FAM149A: variants seen among roughly 807,000 people sequenced by gnomAD.
FAM149A encodes family with sequence similarity 149 member A.
Under a neutral mutation model 78.2 loss-of-function variants are expected in FAM149A, and 71 were observed. The ratio of observed to expected loss-of-function variants is 0.91; its 90% confidence interval spans 0.75 to 1.11. The LOEUF (loss-of-function observed/expected upper bound fraction) is 1.11, where lower values mean the gene tolerates loss of function less well. FAM149A is among the 50% of genes least tolerant of loss of function. The pLI is 0.00. For missense variants in FAM149A, 1,036 were observed against 971.0 expected, an observed-to-expected ratio of 1.07 and a Z score of -0.89; for synonymous variants, 446 against 410.5, an observed-to-expected ratio of 1.09 and a Z score of -1.04.
rs1439015822 is a variant in FAM149A, at chr4:186,130,313, AT to A, written c.567-18859del. On this transcript the variant is annotated intron_variant, in intron 1 of 13. Coordinates refer to ENST00000389354, the MANE Select transcript of FAM149A (RefSeq NM_001367768.3). Reference sequence around the variant, plus strand: ...TCTCTCTATATATATATATATATATATAATCTATATCGACAGAACTAAAAGG... The same window carrying A: ...TCTCTCTATATATATATATATATATAAATCTATATCGACAGAACTAAAAGG... Among the ~76,000 whole-genome samples, 32 of 120,058 alleles carry A rather than the reference AT, an allele frequency of 2.7e-4. 1 individual carries two copies. The highest frequency in any genetic ancestry group is 8.8e-4 in the African/African-American group (28 of 31,732). 78.8% of individuals were successfully genotyped at this position (120,058 alleles called of 152,430 possible).
intron 8 of FAM149A, 134 bp downstream of exon 8, chr4:186,157,853 G>A: frequency 6.5e-7 from 1 of 1,547,294 alleles, no homozygotes; most frequent in South Asian, 1.2e-5. Flanking sequence ...GGTCCATGCA[G>A]GCTTTCCATG....
intron 1 of FAM149A, among the ~76,000 whole-genome samples, chr4:186,139,805 A>G (rs908092433): frequency 6.6e-6 from 1 of 152,164 alleles, no homozygotes; most frequent in Non-Finnish European, 1.5e-5. Context: ...AGTTGTATGT[A>G]TATGTTTGTA....
rs184255048 is a variant in FAM149A at position 186,156,726 on chromosome 4, A to G, written c.1420+536A>G. ...AGGCATGGTGACTCAGAACTTTGGG[A>G]GACCAAGGCAGGAGAATTACTTGAA... On this transcript the variant is annotated intron_variant, in intron 7 of 13. Transcript: ENST00000389354. Among the ~76,000 whole-genome samples the G allele has an allele frequency of 7.9e-5, 12 of 152,216 alleles. No individual in the cohort carries two copies. In the East Asian group the frequency reaches 1.9e-3, roughly 25 times the overall value.
Position 186,165,464 on chromosome 4 carries a change from T to A in FAM149A, c.2010T>A (p.Ser670=). 6.2e-7 allele frequency: 1 copy of A among 1,614,090 alleles called. No homozygotes were observed. Among genetic ancestry groups the A allele is most frequent in the Non-Finnish European group, 8.5e-7 (1 of 1,179,960 alleles). ...CAGTTCCTGGATGCCGCCTTGTTTC[T>A]GTAAGACAGATTTCATTCTATTTCA... Residue 670 remains serine, a splice_region_variant and synonymous_variant, in exon 11 of 14, where the codon TCT becomes TCA. Transcript: ENST00000389354.
At chr4:186,158,050 C>A in intron 8 of FAM149A, 1 of 1,383,652 alleles carries the variant, frequency 7.2e-7, no homozygotes, top group Non-Finnish European at 9.5e-7. Flanking sequence ...TGTCATAAAT[C>A]TGAAGGGACC....
At position 186,165,394 on chromosome 4, in the gene FAM149A, G is replaced by A. The variant is rs780482255; in HGVS notation, c.1940G>A (p.Ser647Asn). The A allele has an allele frequency of 1.9e-6, 3 of 1,614,196 alleles. 1 individual carries two copies. The highest frequency in any genetic ancestry group is 2.2e-5 in the South Asian group (2 of 91,084). Reference sequence around the variant, plus strand: ...TCCCCACTGGTTCAAACGTCACGGAGCAGGTTCCCCCCGCTAGTCACGGAG... The same window carrying A: ...TCCCCACTGGTTCAAACGTCACGGAACAGGTTCCCCCCGCTAGTCACGGAG... The change falls in exon 11 of 14, where the codon AGC becomes AAC. Residue 647 changes from serine (S) to asparagine (N), a missense_variant. Ser to Asn is a conservative substitution (Grantham distance 46). Around this residue, in one of 3 missense-constraint regions of FAM149A, gnomAD observed 716 missense variants for 711.8 expected, o/e 1.01. Transcript: ENST00000389354.
At chr4:186,157,836 G>T (rs565457050) in intron 8 of FAM149A, 117 bp downstream of exon 8, 4 of 1,552,828 alleles carry the variant, frequency 2.6e-6, no homozygotes, top group Middle Eastern at 1.7e-4. Flanking sequence ...CACGCTGCCC[G>T]CAGAGGGGTC....
At chr4:186,138,888 T>C (rs892021358) in intron 1 of FAM149A, among the ~76,000 whole-genome samples, 1 of 152,126 alleles carries the variant, frequency 6.6e-6, no homozygotes, top group Non-Finnish European at 1.5e-5. Context: ...TACTGCACTC[T>C]TGGAGTCAAG....
chr4:186,136,936 ATCTCTC>A (rs142934788), intron 1 of FAM149A, among the ~76,000 whole-genome samples: 7,957 of 84,798 alleles, frequency 0.094, 339 homozygotes, highest in African/African-American at 0.13. Flanking sequence ...ACACTGATTG[ATCTCTC>A]TCTCTCTCTC....
At chr4:186,134,854 C>G (rs754211205) in intron 1 of FAM149A, among the ~76,000 whole-genome samples, 1 of 152,198 alleles carries the variant, frequency 6.6e-6, no homozygotes, top group Non-Finnish European at 1.5e-5. Context: ...ATTAGTTCCT[C>G]TACTCCTTCA....
intron 1 of FAM149A, among the ~76,000 whole-genome samples, chr4:186,131,038 A>G (rs2099320555): frequency 6.6e-6 from 1 of 152,132 alleles, no homozygotes; most frequent in Non-Finnish European, 1.5e-5. Context: ...CCCTTGTGAC[A>G]GGGTTAGTGT....
At chr4:186,131,895 G>A (rs1479936978) in intron 1 of FAM149A, 3 of 985,258 alleles carry the variant, frequency 3.0e-6, no homozygotes, top group African/African-American at 1.7e-5. Context: ...TTTACTGGAA[G>A]GTTTTAAATG....
At chr4:186,145,632 C>G (rs140852876) in intron 1 of FAM149A, among the ~76,000 whole-genome samples, 1 of 152,152 alleles carries the variant, frequency 6.6e-6, no homozygotes, top group Admixed American at 6.5e-5. Flanking sequence ...TTGGAACTCA[C>G]CCTTAACCTC....
intron 1 of FAM149A, among the ~76,000 whole-genome samples, chr4:186,130,820 A>G (rs1349298299): frequency 6.6e-6 from 1 of 152,200 alleles, no homozygotes; most frequent in African/African-American, 2.4e-5. Context: ...CAAATAGGCC[A>G]GGAGAGTACA....
chr4:186,163,835 G>A (rs1210755914), intron 10 of FAM149A, among the ~76,000 whole-genome samples: 1 of 152,210 alleles, frequency 6.6e-6, no homozygotes, highest in Non-Finnish European at 1.5e-5. Flanking sequence ...GTCAGGCAAT[G>A]TCCCTGTCAC....
At chr4:186,141,275 T>C (rs1288014751) in intron 1 of FAM149A, among the ~76,000 whole-genome samples, 2 of 152,168 alleles carry the variant, frequency 1.3e-5, no homozygotes, top group Non-Finnish European at 2.9e-5. Context: ...ATGTTATTGG[T>C]GTAAAATACA....
At chr4:186,147,352 C>A (rs2126444812) in intron 1 of FAM149A, among the ~76,000 whole-genome samples, 1 of 152,318 alleles carries the variant, frequency 6.6e-6, no homozygotes, top group Middle Eastern at 3.4e-3. Flanking sequence ...CCACTGCACT[C>A]TAGCCTGTGG....
rs530239158 is a variant in FAM149A, at chr4:186,161,379, G to A, written c.1576-1466G>A. 8.7e-4 allele frequency among the ~76,000 whole-genome samples: 132 copies of A among 152,294 alleles called. 1 individual carries two copies. In the Middle Eastern group the frequency reaches 0.017, roughly 20 times the overall value. ...GCCTGAACAGAACCTGTGCTTCGGG[G>A]AGCAGTGGGGAGAACAGAGCGTCTC... On this transcript the variant is annotated intron_variant, in intron 8 of 13. Transcript: ENST00000389354.
In FAM149A at chr4:186,156,011, G is replaced by A. The variant is rs980999587; in HGVS notation, c.1241G>A (p.Cys414Tyr). The change falls in exon 7 of 14, where the codon TGT becomes TAT. Residue 414 changes from cysteine to tyrosine, a missense_variant. Around this residue, in one of 3 missense-constraint regions of FAM149A, gnomAD observed 716 missense variants for 711.8 expected, o/e 1.01. Transcript: ENST00000389354. Reference sequence around the variant, plus strand: ...GTTTTTATTCTTAGTGATGATGAATGTCTTGAACAAAAACCAGCTCAGCCC... The same window carrying A: ...GTTTTTATTCTTAGTGATGATGAATATCTTGAACAAAAACCAGCTCAGCCC... The A allele has an allele frequency of 2.5e-6, 4 of 1,612,116 alleles. No homozygotes were observed. Among genetic ancestry groups the A allele is most frequent in the Admixed American group, 1.7e-5 (1 of 59,688 alleles).
Sources: allele counts gnomAD v4.1 joint callset (sites outside exome capture counted in the v4.1 genomes callset), GRCh38; gene constraint gnomAD v4.1.1; regional missense constraint gnomAD v4.1.1; transcripts MANE v1.5; gene names NCBI Gene and HGNC (gene_info 2026-07-23, HGNC 2026-07-21).